Variants in ZMAT4 observed in about 807,000 individuals in gnomAD.
The protein encoded by ZMAT4 is zinc finger matrin-type protein 4.
ZMAT4 carries 17 observed loss-of-function variants against 28.7 expected under a neutral mutation model. The observed-to-expected ratio is 0.59, with a 90% confidence interval of 0.41 to 0.89. The LOEUF (loss-of-function observed/expected upper bound fraction) is 0.89. Ranked by LOEUF, ZMAT4 falls within the 40% of genes least tolerant of loss-of-function variation. The pLI, the probability that ZMAT4 is intolerant of heterozygous loss-of-function variation, is 0.00. For missense variants in ZMAT4, 240 were observed against 283.8 expected, an observed-to-expected ratio of 0.85 and a Z score of 1.11; for synonymous variants, 117 against 109.2, an observed-to-expected ratio of 1.07 and a Z score of -0.44.
chr8:40,757,560 T>TGG (rs1812747431), intron 3 of ZMAT4, among the ~76,000 whole-genome samples: 1 of 147,772 alleles, frequency 6.8e-6, no homozygotes, highest in Non-Finnish European at 1.5e-5. Flanking sequence ...CACTCCAGGC[T>TGG]GGGCAACAGA....
intron 2 of ZMAT4, among the ~76,000 whole-genome samples, chr8:40,768,120 G>A (rs1404414544): frequency 6.6e-6 from 1 of 152,172 alleles, no homozygotes; most frequent in Non-Finnish European, 1.5e-5. Context: ...AGGGTCTGGG[G>A]ACAATGCCTC....
intron 1 of ZMAT4, among the ~76,000 whole-genome samples, chr8:40,874,699 G>T (rs150042822): frequency 9.1e-4 from 139 of 152,292 alleles, no homozygotes; most frequent in Admixed American, 6.7e-3. Flanking sequence ...TTTATTGATG[G>T]TTACACTTTT....
chr8:40,861,381 C>G (rs566567205), intron 1 of ZMAT4, among the ~76,000 whole-genome samples: 1 of 152,162 alleles, frequency 6.6e-6, no homozygotes, highest in Non-Finnish European at 1.5e-5. Context: ...ATGTAGAAAG[C>G]TGAAACTGGA....
chr8:40,716,587 G>A (rs1281789429), intron 3 of ZMAT4, among the ~76,000 whole-genome samples: 1 of 152,184 alleles, frequency 6.6e-6, no homozygotes, highest in Admixed American at 6.5e-5. Flanking sequence ...AGCTACTTGG[G>A]AGGCTGAGGC....
intron 2 of ZMAT4, among the ~76,000 whole-genome samples, chr8:40,801,392 G>A (rs1259204530): frequency 7.4e-6 from 1 of 135,714 alleles, no homozygotes; most frequent in Non-Finnish European, 1.5e-5. Flanking sequence ...ATTCGGTGGG[G>A]TGCGGTGGCT....
intron 6 of ZMAT4, among the ~76,000 whole-genome samples, chr8:40,563,161 A>G (rs1803802770): frequency 1.3e-5 from 2 of 152,226 alleles, no homozygotes; most frequent in African/African-American, 2.4e-5. Context: ...CCTCAAACTC[A>G]TTCCACCTCA....
chr8:40,655,866 G>A (rs1020543607), intron 5 of ZMAT4, among the ~76,000 whole-genome samples: 1 of 152,070 alleles, frequency 6.6e-6, no homozygotes, highest in African/African-American at 2.4e-5. Flanking sequence ...AAAATTTTGA[G>A]GTAAATCTTT....
intron 3 of ZMAT4, among the ~76,000 whole-genome samples, chr8:40,748,309 C>T (rs902037478): frequency 7.9e-5 from 12 of 152,184 alleles, no homozygotes; most frequent in Admixed American, 5.2e-4. Context: ...CAGGTAATGG[C>T]CTTGTACCAT....
intron 2 of ZMAT4, among the ~76,000 whole-genome samples, chr8:40,811,685 A>G (rs756225807): frequency 1.4e-4 from 21 of 152,208 alleles, no homozygotes; most frequent in Non-Finnish European, 2.6e-4. Context: ...TTAAAAGGTA[A>G]TAGATGCTCA....
chr8:40,706,103 G>C (rs1046534462), intron 3 of ZMAT4, among the ~76,000 whole-genome samples: 1 of 152,146 alleles, frequency 6.6e-6, no homozygotes, highest in African/African-American at 2.4e-5. Flanking sequence ...TGTCACCCAG[G>C]CAACAGTGAT....
At chr8:40,570,049 A>G (rs757826371) in intron 6 of ZMAT4, among the ~76,000 whole-genome samples, 2 of 152,224 alleles carry the variant, frequency 1.3e-5, no homozygotes, top group African/African-American at 2.4e-5. Context: ...GTTCAAATCC[A>G]CAAAGGAAAA....
At chr8:40,627,351 G>A (rs1806413660) in intron 5 of ZMAT4, among the ~76,000 whole-genome samples, 1 of 152,052 alleles carries the variant, frequency 6.6e-6, no homozygotes, top group Non-Finnish European at 1.5e-5. Flanking sequence ...TAATGCTTAA[G>A]CAAAAGATAA....
chr8:40,581,552 C>T (rs1316485444), intron 5 of ZMAT4, among the ~76,000 whole-genome samples: 1 of 152,146 alleles, frequency 6.6e-6, no homozygotes, highest in Non-Finnish European at 1.5e-5. Flanking sequence ...AACAGAGATG[C>T]ATTCTATTTT....
At chr8:40,583,189 G>C (rs1804550415) in intron 5 of ZMAT4, among the ~76,000 whole-genome samples, 1 of 152,124 alleles carries the variant, frequency 6.6e-6, no homozygotes, top group Admixed American at 6.5e-5. Context: ...TTGTTGCTTG[G>C]GAAGTGGTAG....
rs1326046361 is a variant in ZMAT4, at chr8:40,645,826, A to G, written c.577+28878T>C. Among the ~76,000 whole-genome samples, 5 of 152,286 alleles carry G rather than the reference A, an allele frequency of 3.3e-5. No individual in the cohort carries two copies. In the South Asian group the frequency reaches 1.0e-3, roughly 32 times the overall value. On this transcript the variant is annotated intron_variant, in intron 5 of 6. Coordinates refer to ENST00000297737, the MANE Select transcript of ZMAT4 (RefSeq NM_024645.3). The stretch of plus-strand genomic sequence containing the variant: ...AATAAACTTAAATCATCCATAAAGT[A>G]TAGTATTCACAGTTGTATGTATATA...
intron 2 of ZMAT4, among the ~76,000 whole-genome samples, chr8:40,794,845 G>T (rs1165372987): frequency 6.6e-6 from 1 of 151,712 alleles, no homozygotes; most frequent in African/African-American, 2.4e-5. Flanking sequence ...GTGTGGCAAT[G>T]ATTGCGTTCA....
chr8:40,784,446 C>A (rs1230226916), intron 2 of ZMAT4, among the ~76,000 whole-genome samples: 1 of 152,030 alleles, frequency 6.6e-6, no homozygotes, highest in Non-Finnish European at 1.5e-5. Flanking sequence ...TATGAAAAAT[C>A]GATAACAACC....
intron 5 of ZMAT4, among the ~76,000 whole-genome samples, chr8:40,631,252 A>G (rs1806569095): frequency 6.6e-6 from 1 of 152,118 alleles, no homozygotes; most frequent in Non-Finnish European, 1.5e-5. Context: ...GGCTCACTGC[A>G]ACCTCTGCAA....
chr8:40,621,674 A>G (rs991174065), intron 5 of ZMAT4, among the ~76,000 whole-genome samples: 2 of 152,162 alleles, frequency 1.3e-5, no homozygotes, highest in Non-Finnish European at 2.9e-5. Context: ...TAGTATCACA[A>G]TTTTTGGCTT....
Sources: allele counts gnomAD v4.1 joint callset (sites outside exome capture counted in the v4.1 genomes callset), GRCh38; gene constraint gnomAD v4.1.1; transcripts MANE v1.5; gene names NCBI Gene and HGNC (gene_info 2026-07-23, HGNC 2026-07-21).